Variants in TPR observed in about 807,000 individuals in gnomAD.
The protein encoded by TPR is nucleoprotein TPR.
In TPR, 51 loss-of-function variants were observed where a neutral mutation model predicts 316.1. The ratio of observed to expected loss-of-function variants is 0.16; its 90% CI spans 0.13 to 0.20. The LOEUF is 0.20. Ranked by LOEUF, TPR falls within the 10% of genes least tolerant of loss-of-function variation. The pLI is 1.00. For synonymous variants in TPR, 981 were observed against 914.7 expected (o/e 1.07, Z -1.31); for missense variants, 2,272 against 2,754.8 (o/e 0.82, Z 3.92).
At chr1:186,373,732 C>T (rs1160935405) in intron 1 of TPR, among the ~76,000 whole-genome samples, 1 of 152,118 alleles carries the variant, frequency 6.6e-6, no homozygotes. Flanking sequence ...AGGCAGGTAA[C>T]CTCATTTATC....
chr1:186,313,350 A>G lies in TPR; in HGVS notation c.*621T>C. ...AAGTTATTCTGCCTGTAATTTCATA[A>G]TATGAATGACATTGGCATGTATTTT... is the stretch of plus-strand genomic sequence containing the variant. On this transcript the variant is annotated 3_prime_UTR_variant, in exon 51 of 51. Transcript: ENST00000367478. The G allele has an allele frequency of 3.1e-6, 1 of 325,138 alleles. No homozygotes were observed. The highest frequency in any genetic ancestry group is 5.7e-6 in the Non-Finnish European group (1 of 175,006). 20.1% of individuals were successfully genotyped at this position (325,138 alleles called of 1,614,324 possible).
chr1:186,341,918 A>G (rs12740221), intron 27 of TPR: 14,023 of 153,400 alleles, frequency 0.091, 975 homozygotes, highest in East Asian at 0.38. Context: ...AGCATATTTC[A>G]TGGTTGCCAT....
rs1658216063 is a variant in TPR at position 186,332,981 on chromosome 1, T to C, written c.5455+141A>G. 2.0e-5 allele frequency: 19 copies of C among 968,520 alleles called. No individual in the cohort carries two copies. The South Asian group carries it at 3.0e-4, about 15-fold the overall frequency. The allele number at this position is 968,520 out of a possible 1,614,324, so 60.0% of individuals were successfully genotyped here. Reference sequence around the variant, plus strand: ...CACAAAGAATACTTGTGATACGTATTATATCCAAGATATTATAATTGCGTA... The same window carrying C: ...CACAAAGAATACTTGTGATACGTATCATATCCAAGATATTATAATTGCGTA... On this transcript the variant is annotated intron_variant, in intron 37 of 50. Transcript: ENST00000367478.
At chr1:186,358,212 G>A (rs528985090) in intron 13 of TPR, among the ~76,000 whole-genome samples, 15 of 152,234 alleles carry the variant, frequency 9.9e-5, no homozygotes, top group Non-Finnish European at 1.9e-4. Flanking sequence ...AGAGAAGGAT[G>A]TGAAAAAAAT....
rs1657451479 is a variant in TPR, at chr1:186,313,700, T to C, written c.*271A>G. ...ATTTAGATCAATACTATAACATTGA[T>C]GTGCCTAGTAGAACAGCAAGAGCAA... is the stretch of plus-strand genomic sequence containing the variant. On this transcript the variant is annotated 3_prime_UTR_variant, in exon 51 of 51. Transcript: ENST00000367478. 3 of 1,603,566 alleles carry C rather than the reference T, an allele frequency of 1.9e-6. No homozygotes were observed. The African/African-American group carries it at 4.0e-5, about 21-fold the overall frequency.
intron 39 of TPR, among the ~76,000 whole-genome samples, chr1:186,330,887 A>C (rs1658142926): frequency 6.6e-6 from 1 of 152,144 alleles, no homozygotes; most frequent in African/African-American, 2.4e-5. Context: ...GTACTACTTT[A>C]GGTATTTTAC....
rs748597417 is a variant in TPR at position 186,351,986 on chromosome 1, T to G, written c.2459A>C (p.Gln820Pro). The G allele has an allele frequency of 6.3e-7, 1 of 1,597,286 alleles. No individual in the cohort carries two copies. The highest frequency in any genetic ancestry group is 8.5e-7 in the Non-Finnish European group (1 of 1,175,308). Residue 820 changes from glutamine (Q) to proline (P), a missense_variant, in exon 19 of 51, where the codon CAA becomes CCA. By Grantham distance (76) the Gln-to-Pro change is moderately conservative. Around this residue, in one of 10 missense-constraint regions of TPR, gnomAD observed 757 missense variants for 859.8 expected, o/e 0.88. Coordinates refer to ENST00000367478, the MANE Select transcript of TPR (RefSeq NM_003292.3). ...RGQNLLLTNLQTIQGILERSE... is the reference protein window; with the variant it reads ...RGQNLLLTNLPTIQGILERSE... ...TTTTTATTTGGTTACCTGAATTGTT[T>G]GCAGATTAGTTAGCAGTAAGTTTTG...
chr1:186,332,176 CAGAA>C lies in TPR; in HGVS notation c.5604+15_5604+18del. The C allele has an allele frequency of 3.1e-6, 5 of 1,592,216 alleles. No homozygotes were observed. The highest frequency in any genetic ancestry group is 4.3e-6 in the Non-Finnish European group (5 of 1,170,138). ...CTCTACTGGTAAAAGTTAAAATACACAGAAAGAACTTTACGCACCTCAGTTCCTA... is the reference window on the plus strand; with the variant it reads ...CTCTACTGGTAAAAGTTAAAATACACAGAACTTTACGCACCTCAGTTCCTA... On this transcript the variant is annotated intron_variant, in intron 38 of 50. Coordinates refer to ENST00000367478, the MANE Select transcript of TPR (RefSeq NM_003292.3).
intron 2 of TPR, 95 bp from the exon 3 acceptor site, chr1:186,371,138 T>A: frequency 2.1e-6 from 2 of 947,712 alleles, no homozygotes; most frequent in Non-Finnish European, 3.3e-6. Flanking sequence ...TTTTAATAAA[T>A]GAAAAAACAG....
chr1:186,317,897 T>C (rs1251602678), intron 48 of TPR, among the ~76,000 whole-genome samples: 3 of 152,216 alleles, frequency 2.0e-5, no homozygotes, highest in Non-Finnish European at 4.4e-5. Flanking sequence ...TCATAAGAAA[T>C]ATATGGTCCA....
intron 27 of TPR, chr1:186,342,345 C>T (rs1196669255): frequency 6.6e-6 from 1 of 152,152 alleles, no homozygotes; most frequent in African/African-American, 2.4e-5. Flanking sequence ...TTGGTTTCCC[C>T]CTATGAACTC....
In TPR at chr1:186,331,555, A is replaced by C; in HGVS notation, c.5631T>G (p.Thr1877=). The change falls in exon 39 of 51, where the codon ACT becomes ACG. Residue 1877 remains threonine (T), a synonymous_variant. Transcript: ENST00000367478. ...ATACCTGAGTCTCTACCTCTCCATC[A>C]GTACTTTCTTCTGCCATAACTTCTT... The part of the protein sequence containing the change: ...TEEEVMAEES[T]DGEVETQVYN... The C allele has an allele frequency of 3.7e-6, 6 of 1,609,032 alleles. No individual in the cohort carries two copies. The highest frequency in any genetic ancestry group is 5.1e-6 in the Non-Finnish European group (6 of 1,177,462).
Position 186,351,476 on chromosome 1 carries a change from G to A in TPR, c.2470-6C>T, listed in dbSNP as rs780533213. ...TCAGATCGCTCCAGTATTCCCTAAAGCAAAGAAAAGATTTTTGGTTATGCT... is the reference window on the plus strand; with the variant it reads ...TCAGATCGCTCCAGTATTCCCTAAAACAAAGAAAAGATTTTTGGTTATGCT... On this transcript the variant is annotated splice_polypyrimidine_tract_variant and splice_region_variant and intron_variant, in intron 19 of 50. Transcript: ENST00000367478. 1.3e-6 allele frequency: 2 copies of A among 1,556,220 alleles called. No individual in the cohort carries two copies. Among genetic ancestry groups the A allele is most frequent in the South Asian group, 2.5e-5 (2 of 79,644 alleles).
intron 13 of TPR, 110 bp downstream of exon 13, chr1:186,358,433 A>T: frequency 1.3e-6 from 1 of 748,092 alleles, no homozygotes; most frequent in Non-Finnish European, 2.1e-6. Context: ...ATTCCTAATT[A>T]ATTAGAATTT....
chr1:186,367,287 G>C (rs1250727331), intron 4 of TPR, among the ~76,000 whole-genome samples: 2 of 151,764 alleles, frequency 1.3e-5, no homozygotes, highest in Non-Finnish European at 2.9e-5. Flanking sequence ...GGCTGCTCTT[G>C]GACTCCTGAC....
In TPR at chr1:186,318,505, T is replaced by C; in HGVS notation, c.6763A>G (p.Asn2255Asp). The C allele has an allele frequency of 1.9e-6, 3 of 1,614,118 alleles. No homozygotes were observed. The highest frequency in any genetic ancestry group is 2.5e-6 in the Non-Finnish European group (3 of 1,180,020). Residue 2255 changes from asparagine to aspartate, a missense_variant, in exon 48 of 51, where the codon AAT (asparagine) becomes GAT (aspartate). This residue lies in a region of TPR where 123 missense variants were observed against 142.3 expected (regional missense o/e 0.86). Transcript: ENST00000367478. ...CCATCATCACCTGTTGCTGTTTCAT[T>C]TGTTGTAGATAAAGTGCCAGTGGAT... ...TTSTGTLSTT[N>D]ETATGDDGDE...
rs1309820041 is a variant in TPR, at chr1:186,356,212, T to C, written c.1888+74A>G. 10 of 1,351,566 alleles carry C rather than the reference T, an allele frequency of 7.4e-6. No individual in the cohort carries two copies. The East Asian group carries it at 2.3e-4, about 31-fold the overall frequency. The allele number at this position is 1,351,566 out of a possible 1,614,324, so 83.7% of individuals were successfully genotyped here. On this transcript the variant is annotated intron_variant, in intron 15 of 50. Coordinates refer to ENST00000367478, the MANE Select transcript of TPR (RefSeq NM_003292.3). ...AAGCTACCATCATTAGAGTGGCTAT[T>C]GCTTATGTTGCAAAATTAATCCCTT...
chr1:186,341,046 A>G lies in TPR; in HGVS notation c.4002T>C (p.Arg1334=), dbSNP rs985435312. 3.1e-6 allele frequency: 5 copies of G among 1,613,664 alleles called. No individual in the cohort carries two copies. The highest frequency in any genetic ancestry group is 4.2e-6 in the Non-Finnish European group (5 of 1,179,958). Reference sequence around the variant, plus strand: ...CATTTACCTGGTTACGTGCTTTCCAACGTTTGACATCCTCTTCTAAGAGCT... The same window carrying G: ...CATTTACCTGGTTACGTGCTTTCCAGCGTTTGACATCCTCTTCTAAGAGCT... The part of the protein sequence containing the change: ...EKKLLEEDVK[R]WKARNQHLVS... Residue 1334 remains arginine, a synonymous_variant, in exon 29 of 51, where the codon CGT becomes CGC. Coordinates refer to ENST00000367478, the MANE Select transcript of TPR (RefSeq NM_003292.3).
At chr1:186,367,809 G>T in intron 4 of TPR, 77 bp downstream of exon 4, 2 of 984,084 alleles carry the variant, frequency 2.0e-6, no homozygotes, top group Non-Finnish European at 3.1e-6. Flanking sequence ...AACAGAAATG[G>T]GCTGAGCACT....
Sources: allele counts gnomAD v4.1 joint callset (sites outside exome capture counted in the v4.1 genomes callset), GRCh38; gene constraint gnomAD v4.1.1; regional missense constraint gnomAD v4.1.1; transcripts MANE v1.5; gene names NCBI Gene and HGNC (gene_info 2026-07-23, HGNC 2026-07-21).